Variants in DOCK4 observed in about 807,000 individuals in gnomAD.
DOCK4 encodes dedicator of cytokinesis protein 4.
Under a neutral mutation model 268.1 loss-of-function variants are expected in DOCK4, and 97 were observed. That is an observed-to-expected ratio of 0.36 (90% confidence interval 0.31 to 0.43). DOCK4 has a LOEUF of 0.43. DOCK4 is among the 20% of genes least tolerant of loss of function. The pLI is 1.00. For synonymous variants in DOCK4, 954 were observed against 887.2 expected (o/e 1.08, Z -1.34); for missense variants, 2,145 against 2,455.7 (o/e 0.87, Z 2.67).
intron 1 of DOCK4, among the ~76,000 whole-genome samples, chr7:112,204,461 A>G (rs1322031675): frequency 6.6e-6 from 1 of 152,148 alleles, no homozygotes; most frequent in Non-Finnish European, 1.5e-5. Context: ...TTTCCCTAGC[A>G]AGGGTTAATC....
chr7:112,077,101 C>G (rs1808138236), intron 1 of DOCK4, among the ~76,000 whole-genome samples: 1 of 152,040 alleles, frequency 6.6e-6, no homozygotes, highest in Admixed American at 6.6e-5. Flanking sequence ...ACAACTGATA[C>G]TCAGCAAATA....
intron 44 of DOCK4, among the ~76,000 whole-genome samples, chr7:111,745,866 C>A (rs997005731): frequency 9.9e-5 from 15 of 152,020 alleles, no homozygotes; most frequent in African/African-American, 3.1e-4. Flanking sequence ...TGAATGCCAA[C>A]ATCCCACAAG....
chr7:112,036,814 C>A (rs1245452298), intron 1 of DOCK4, among the ~76,000 whole-genome samples: 1 of 152,062 alleles, frequency 6.6e-6, no homozygotes, highest in African/African-American at 2.4e-5. Flanking sequence ...GCGCCCACCA[C>A]CACACCCAGC....
intron 47 of DOCK4, chr7:111,739,718 C>T (rs1563433831): frequency 5.9e-6 from 3 of 508,660 alleles, no homozygotes; most frequent in South Asian, 2.1e-5. Flanking sequence ...ACTGTGACTT[C>T]GTACCAGTTA....
At chr7:111,926,054 C>A (rs1258724059) in intron 12 of DOCK4, among the ~76,000 whole-genome samples, 1 of 143,512 alleles carries the variant, frequency 7.0e-6, no homozygotes, top group East Asian at 2.0e-4. Flanking sequence ...GAGATCGTGC[C>A]ACTGCACTCC....
intron 1 of DOCK4, among the ~76,000 whole-genome samples, chr7:112,102,918 A>G (rs898523985): frequency 1.3e-5 from 2 of 152,240 alleles, no homozygotes; most frequent in Admixed American, 6.5e-5. Context: ...CATTTACACA[A>G]TAGGTTAGCC....
intron 25 of DOCK4, among the ~76,000 whole-genome samples, chr7:111,842,318 CTG>C (rs1803762312): frequency 2.0e-5 from 3 of 152,162 alleles, no homozygotes; most frequent in African/African-American, 7.2e-5. Context: ...AGGCCAGCAA[CTG>C]TGAAAGACCA....
At chr7:112,200,931 G>A (rs1451624654) in intron 1 of DOCK4, among the ~76,000 whole-genome samples, 1 of 151,898 alleles carries the variant, frequency 6.6e-6, no homozygotes, top group Non-Finnish European at 1.5e-5. Flanking sequence ...TTTACTGGGA[G>A]GTATAAATCA....
intron 26 of DOCK4, among the ~76,000 whole-genome samples, chr7:111,832,894 T>C (rs1483975142): frequency 6.6e-6 from 1 of 152,196 alleles, no homozygotes; most frequent in Non-Finnish European, 1.5e-5. Flanking sequence ...ATGAGAAAAG[T>C]CCACATAAAA....
rs770995787 is a variant in DOCK4, at chr7:111,728,598, C to T, written c.5604G>A (p.Thr1868=). The change falls in exon 53 of 53, where the codon ACG becomes ACA. Residue 1868 remains threonine, a synonymous_variant. Transcript: ENST00000428084. ...GATTTTCAAAGCCTGAGGTTTCCGA[C>T]GTGCTGCACCGGCTGAGAGAAGAAA... ...SGISSLSRCS[T]SETSGFENQV... is the part of the protein sequence containing the mutation. 2.3e-5 allele frequency: 37 copies of T among 1,613,926 alleles called. No individual in the cohort carries two copies. The African/African-American group carries it at 3.5e-4, about 15-fold the overall frequency.
At chr7:111,741,921 A>AC (rs1795944377) in intron 45 of DOCK4, 92 bp downstream of exon 45, 1 of 1,468,318 alleles carries the variant, frequency 6.8e-7, no homozygotes, top group South Asian at 1.5e-5. Flanking sequence ...TAGAAAAACC[A>AC]CAAGATGTCA....
At chr7:112,016,725 G>C (rs1801841453) in intron 1 of DOCK4, among the ~76,000 whole-genome samples, 1 of 152,010 alleles carries the variant, frequency 6.6e-6, no homozygotes, top group African/African-American at 2.4e-5. Flanking sequence ...TTAACATAAA[G>C]TACAAAATTA....
intron 16 of DOCK4, among the ~76,000 whole-genome samples, chr7:111,890,110 A>T (rs1206486315): frequency 6.6e-6 from 1 of 152,204 alleles, no homozygotes; most frequent in Non-Finnish European, 1.5e-5. Context: ...GCACATAGTT[A>T]CTGTCTTCCT....
Position 111,732,249 on chromosome 7 carries a change from G to A in DOCK4, c.5458C>T (p.Pro1820Ser), listed in dbSNP as rs1167742175. 3.7e-6 allele frequency: 6 copies of A among 1,613,916 alleles called. No individual in the cohort carries two copies. The highest frequency in any genetic ancestry group is 5.1e-6 in the Non-Finnish European group (6 of 1,179,906). Reference protein sequence around the residue: ...ARHTTSVSPSPAGRSPLKGSV... With the variant: ...ARHTTSVSPSSAGRSPLKGSV... Reference sequence around the variant, plus strand: ...ACCTTCAATGGAGATCGCCCGGCAGGCGAGGGGGATACTGATGTCGTGTGT... The same window carrying A: ...ACCTTCAATGGAGATCGCCCGGCAGACGAGGGGGATACTGATGTCGTGTGT... The change falls in exon 52 of 53, where the codon CCT (proline) becomes TCT (serine). Residue 1820 changes from proline to serine, a missense_variant. Physicochemically the swap from Pro to Ser is moderately conservative, Grantham distance 74. Around this residue, in one of 2 missense-constraint regions of DOCK4, gnomAD observed 547 missense variants for 469.0 expected, o/e 1.17. Coordinates refer to ENST00000428084, the MANE Select transcript of DOCK4 (RefSeq NM_001363540.2).
chr7:111,844,621 A>G, intron 25 of DOCK4, 142 bp downstream of exon 25: 2 of 1,102,556 alleles, frequency 1.8e-6, no homozygotes, highest in Non-Finnish European at 2.4e-6. Flanking sequence ...TTGTAAAATT[A>G]AGGTAACCTC....
At chr7:112,067,669 A>G (rs1807200622) in intron 1 of DOCK4, among the ~76,000 whole-genome samples, 1 of 152,212 alleles carries the variant, frequency 6.6e-6, no homozygotes, top group Non-Finnish European at 1.5e-5. Context: ...GTTTCCTGCC[A>G]ACTCTTCTAG....
chr7:111,782,839 A>C, intron 35 of DOCK4, 25 bp downstream of exon 35: 1 of 1,611,166 alleles, frequency 6.2e-7, no homozygotes, highest in Non-Finnish European at 8.5e-7. Flanking sequence ...GGAGAAAAGG[A>C]GAAAAAGGGG....
At chr7:111,933,814 G>C (rs565646499) in intron 12 of DOCK4, among the ~76,000 whole-genome samples, 9 of 151,854 alleles carry the variant, frequency 5.9e-5, no homozygotes, top group Non-Finnish European at 8.8e-5. Flanking sequence ...CAACTCTAAG[G>C]AGAGGGAGGA....
intron 1 of DOCK4, among the ~76,000 whole-genome samples, chr7:112,204,174 T>G (rs1323558606): frequency 6.6e-6 from 1 of 151,968 alleles, no homozygotes; most frequent in Non-Finnish European, 1.5e-5. Flanking sequence ...AATCCCAGAG[T>G]GGTTTTTAAG....
Sources: allele counts gnomAD v4.1 joint callset (sites outside exome capture counted in the v4.1 genomes callset), GRCh38; gene constraint gnomAD v4.1.1; regional missense constraint gnomAD v4.1.1; transcripts MANE v1.5; gene names NCBI Gene and HGNC (gene_info 2026-07-23, HGNC 2026-07-21).